Variants in ARHGAP11A observed in about 807,000 individuals in gnomAD.
ARHGAP11A encodes rho GTPase-activating protein 11A.
A neutral mutation model predicts 60.5 loss-of-function variants in ARHGAP11A; 36 were observed. The observed-to-expected ratio is 0.59, with a 90% confidence interval of 0.46 to 0.79. The LOEUF is 0.79. ARHGAP11A is among the 30% of genes least tolerant of loss of function. ARHGAP11A has a pLI of 0.00. For missense variants in ARHGAP11A, 1,071 were observed against 1,199.2 expected (o/e 0.89, Z 1.58); for synonymous variants, 362 against 415.5 (o/e 0.87, Z 1.57).
chr15:32,620,932 A>C (rs907604173), intron 2 of ARHGAP11A, among the ~76,000 whole-genome samples: 1 of 152,108 alleles, frequency 6.6e-6, no homozygotes, highest in Admixed American at 6.6e-5. Context: ...TCAGCTGGGC[A>C]AGGTGGTGTG....
chr15:32,634,105 A>C, intron 10 of ARHGAP11A, 64 bp downstream of exon 10: 1 of 1,100,032 alleles, frequency 9.1e-7, no homozygotes, highest in Non-Finnish European at 1.3e-6. Context: ...GATACTAAAA[A>C]ACACTCATAG....
intron 2 of ARHGAP11A, among the ~76,000 whole-genome samples, chr15:32,621,261 G>A (rs1251708279): frequency 7.2e-6 from 1 of 139,502 alleles, no homozygotes; most frequent in East Asian, 2.2e-4. Flanking sequence ...CGTGAGCTCG[G>A]CTCACCGCAA....
At chr15:32,617,470 C>CTT (rs2053181642) in intron 1 of ARHGAP11A, among the ~76,000 whole-genome samples, 1 of 112,736 alleles carries the variant, frequency 8.9e-6, no homozygotes, top group Non-Finnish European at 2.0e-5. Flanking sequence ...CTTTTCTTTT[C>CTT]CTTTTTTTTT....
chr15:32,622,364 G>C (rs1355290713), intron 2 of ARHGAP11A, among the ~76,000 whole-genome samples: 1 of 152,184 alleles, frequency 6.6e-6, no homozygotes, highest in Non-Finnish European at 1.5e-5. Context: ...GTTGCAGTGA[G>C]CAGTGATCGC....
At chr15:32,627,789 T>C (rs922780368) in intron 6 of ARHGAP11A, among the ~76,000 whole-genome samples, 10 of 148,848 alleles carry the variant, frequency 6.7e-5, no homozygotes, top group African/African-American at 2.5e-4. Context: ...GAATCTACCC[T>C]ACATATTGCT....
At chr15:32,632,953 T>C (rs757608572) in intron 8 of ARHGAP11A, 26 bp from the exon 9 acceptor site, 4 of 1,599,422 alleles carry the variant, frequency 2.5e-6, no homozygotes, top group Non-Finnish European at 3.4e-6. Flanking sequence ...ATATGTGTGG[T>C]ATATTACATG....
intron 1 of ARHGAP11A, among the ~76,000 whole-genome samples, chr15:32,617,157 C>T (rs1470236568): frequency 6.6e-6 from 1 of 151,952 alleles, no homozygotes; most frequent in East Asian, 1.9e-4. Flanking sequence ...ATGGTACTTC[C>T]TAGTACTTGG....
At chr15:32,632,388 G>T (rs929611065) in intron 8 of ARHGAP11A, among the ~76,000 whole-genome samples, 2 of 152,200 alleles carry the variant, frequency 1.3e-5, no homozygotes, top group African/African-American at 2.4e-5. Flanking sequence ...TTAGGAATGT[G>T]TTATAGAATA....
intron 1 of ARHGAP11A, among the ~76,000 whole-genome samples, chr15:32,617,545 C>G (rs1402684610): frequency 7.0e-6 from 1 of 142,564 alleles, no homozygotes; most frequent in Non-Finnish European, 1.5e-5. Flanking sequence ...GATCTTGGCT[C>G]ACTGCAAGCT....
intron 6 of ARHGAP11A, among the ~76,000 whole-genome samples, chr15:32,627,976 A>G (rs1030496664): frequency 4.0e-5 from 6 of 151,776 alleles, no homozygotes; most frequent in Non-Finnish European, 8.8e-5. Context: ...CGCCTGGCTA[A>G]TTTTTGTATA....
intron 2 of ARHGAP11A, among the ~76,000 whole-genome samples, chr15:32,621,859 C>T (rs1366859996): frequency 6.6e-6 from 1 of 152,090 alleles, no homozygotes; most frequent in Non-Finnish European, 1.5e-5. Context: ...AGAATGTAAT[C>T]TAAAAATGCA....
chr15:32,630,423 A>G (rs916567439), intron 8 of ARHGAP11A, among the ~76,000 whole-genome samples: 4 of 119,512 alleles, frequency 3.3e-5, no homozygotes, highest in Non-Finnish European at 5.1e-5. Context: ...CTTAGATTCA[A>G]TTGGCTCTTT....
At chr15:32,634,120 AC>A (rs2053650036) in intron 10 of ARHGAP11A, 79 bp downstream of exon 10, 2 of 908,982 alleles carry the variant, frequency 2.2e-6, no homozygotes, top group Non-Finnish European at 3.3e-6. Flanking sequence ...TCATAGCCCT[AC>A]CTTCCTTCCA....
In ARHGAP11A at chr15:32,625,621, C is replaced by A. The variant is rs146745395; in HGVS notation, c.850C>A (p.Gln284Lys). 6.2e-7 allele frequency: 1 copy of A among 1,613,868 alleles called. No individual in the cohort carries two copies. The highest frequency in any genetic ancestry group is 8.5e-7 in the Non-Finnish European group (1 of 1,179,824). The change falls in exon 6 of 12, where the codon CAA (glutamine) becomes AAA (lysine). Residue 284 changes from glutamine (Q) to lysine (K), a missense_variant. Coordinates refer to ENST00000361627, the MANE Select transcript of ARHGAP11A (RefSeq NM_014783.6). ...TPGEYKRKRR[Q>K]SVGDFVSGAL... The stretch of plus-strand genomic sequence containing the variant: ...TGGTGAATATAAGAGAAAGAGAAGA[C>A]AAAGTGTAGGAGGTAAGTGGCGGTC...
chr15:32,634,765 A>C (rs1260682927), intron 10 of ARHGAP11A, among the ~76,000 whole-genome samples: 1 of 152,218 alleles, frequency 6.6e-6, no homozygotes, highest in Non-Finnish European at 1.5e-5. Context: ...CACTTAAGCC[A>C]AAAACCATGG....
chr15:32,636,772 A>G lies in ARHGAP11A; in HGVS notation c.1999A>G (p.Lys667Glu), dbSNP rs762152665. Residue 667 changes from lysine to glutamate, a missense_variant, in exon 12 of 12, where the codon AAA (lysine) becomes GAA (glutamate). Coordinates refer to ENST00000361627, the MANE Select transcript of ARHGAP11A (RefSeq NM_014783.6). ...TGAACACCACACTGGTAAAGGTGAA[A>G]AATGTTTTTCAGAGAGGGACTTTTC... is the stretch of plus-strand genomic sequence containing the variant. ...KYEHHTGKGE[K>E]CFSERDFSPL... is the part of the protein sequence containing the mutation. 2 of 1,611,958 alleles carry G rather than the reference A, an allele frequency of 1.2e-6. No homozygotes were observed. The highest frequency in any genetic ancestry group is 1.7e-6 in the Non-Finnish European group (2 of 1,179,586).
At chr15:32,634,332 G>T (rs2053655853) in intron 10 of ARHGAP11A, among the ~76,000 whole-genome samples, 1 of 152,178 alleles carries the variant, frequency 6.6e-6, no homozygotes, top group Non-Finnish European at 1.5e-5. Flanking sequence ...AAGTATTTCA[G>T]ATTCCCCATT....
In ARHGAP11A at chr15:32,636,598, A is replaced by C. The variant is rs931541429; in HGVS notation, c.1825A>C (p.Asn609His). 1 of 1,614,038 alleles carries C rather than the reference A, an allele frequency of 6.2e-7. No homozygotes were observed. The highest frequency in any genetic ancestry group is 1.3e-5 in the African/African-American group (1 of 74,940). The change falls in exon 12 of 12, where the codon AAT (asparagine) becomes CAT (histidine). Residue 609 changes from asparagine (N) to histidine (H), a missense_variant. By Grantham distance (68) the Asn-to-His change is moderately conservative (BLOSUM62 1). Around this residue, in one of 4 missense-constraint regions of ARHGAP11A, gnomAD observed 776 missense variants for 760.2 expected, o/e 1.02. Coordinates refer to ENST00000361627, the MANE Select transcript of ARHGAP11A (RefSeq NM_014783.6). The stretch of plus-strand genomic sequence containing the variant: ...AAAAGCGTTTTCTGAATCTGGAAGT[A>C]ATCTTCACGCATTGATGAATCAGAG... ...VQKAFSESGS[N>H]LHALMNQRQS...
Position 32,615,600 on chromosome 15 carries a change from G to T in ARHGAP11A, c.-612G>T, listed in dbSNP as rs2053114735. On this transcript the variant is annotated 5_prime_UTR_variant, in exon 1 of 12. Coordinates refer to ENST00000361627, the MANE Select transcript of ARHGAP11A (RefSeq NM_014783.6). ...TCAGTGAACGCACCGGGATGTGCAG[G>T]CCGGGAGGTAGAGGCAGGCTGATGG... The T allele has an allele frequency of 6.5e-6, 1 of 152,736 alleles. No homozygotes were observed. Among genetic ancestry groups the T allele is most frequent in the Non-Finnish European group, 1.5e-5 (1 of 68,278 alleles). The allele number at this position is 152,736 out of a possible 1,614,324, so 9.5% of individuals were successfully genotyped here. A position where few individuals can be genotyped will look rare whatever the true frequency, so the allele number is the denominator to read the frequency against.
Sources: allele counts gnomAD v4.1 joint callset (sites outside exome capture counted in the v4.1 genomes callset), GRCh38; gene constraint gnomAD v4.1.1; regional missense constraint gnomAD v4.1.1; transcripts MANE v1.5; gene names NCBI Gene and HGNC (gene_info 2026-07-23, HGNC 2026-07-21).